The following LUZP1 variants were observed in gnomAD, a reference collection of about 807,000 sequenced individuals.
LUZP1 encodes the protein filamin mechanobinding actin cross-linking protein.
In LUZP1, 25 loss-of-function variants were observed where a neutral mutation model predicts 71.3. That is an observed-to-expected ratio of 0.35 (90% CI 0.26 to 0.49). The LOEUF (loss-of-function observed/expected upper bound fraction) is 0.49. Ranked by LOEUF, LUZP1 falls within the 20% of genes least tolerant of loss-of-function variation. The pLI, the probability that LUZP1 is intolerant of heterozygous loss-of-function variation, is 0.99. For missense variants in LUZP1, 1,142 were observed against 1,300.8 expected (o/e 0.88, Z 1.88); for synonymous variants, 481 against 506.4 (o/e 0.95, Z 0.67).
intron 2 of LUZP1, among the ~76,000 whole-genome samples, chr1:23,137,259 A>T (rs570180306): frequency 6.6e-6 from 1 of 152,390 alleles, no homozygotes; most frequent in South Asian, 2.1e-4. Flanking sequence ...GGATTTGCAC[A>T]GGCATTTCTT....
intron 2 of LUZP1, among the ~76,000 whole-genome samples, chr1:23,145,926 G>T (rs534943623): frequency 1.3e-5 from 2 of 152,220 alleles, no homozygotes; most frequent in African/African-American, 4.8e-5. Flanking sequence ...CTTATGTAAT[G>T]AAAATTATGT....
chr1:23,154,960 A>C (rs1470831804), intron 2 of LUZP1, among the ~76,000 whole-genome samples: 1 of 152,064 alleles, frequency 6.6e-6, no homozygotes, highest in Admixed American at 6.6e-5. Context: ...TCACTTTAAA[A>C]CTGCCCTAGG....
At chr1:23,165,807 A>C (rs535630743) in intron 2 of LUZP1, among the ~76,000 whole-genome samples, 2 of 152,320 alleles carry the variant, frequency 1.3e-5, no homozygotes, top group African/African-American at 4.8e-5. Flanking sequence ...ACTGTCCCTA[A>C]AAGCTGTATT....
chr1:23,110,665 C>CA (rs1557647742), intron 2 of LUZP1, among the ~76,000 whole-genome samples: 6 of 151,808 alleles, frequency 4.0e-5, no homozygotes, highest in African/African-American at 1.5e-4. Flanking sequence ...CACACACACA[C>CA]CCATCCCTGC....
At chr1:23,090,901 G>C in intron 4 of LUZP1, 1 of 718,060 alleles carries the variant, frequency 1.4e-6, no homozygotes, top group Non-Finnish European at 2.6e-6. Flanking sequence ...TAGCTGCTCT[G>C]GCAAACCAAG....
At chr1:23,100,732 G>T (rs1643925298) in intron 3 of LUZP1, among the ~76,000 whole-genome samples, 1 of 152,218 alleles carries the variant, frequency 6.6e-6, no homozygotes, top group South Asian at 2.1e-4. Context: ...TGAGCAGGCT[G>T]AACTCCAGGC....
chr1:23,095,049 A>C (rs1643885336), intron 3 of LUZP1, among the ~76,000 whole-genome samples: 1 of 152,160 alleles, frequency 6.6e-6, no homozygotes, highest in African/African-American at 2.4e-5. Context: ...TCTACAAAAC[A>C]TATCCTTTTG....
intron 2 of LUZP1, among the ~76,000 whole-genome samples, chr1:23,145,676 G>A (rs1194458735): frequency 6.6e-6 from 1 of 151,824 alleles, no homozygotes; most frequent in East Asian, 1.9e-4. Flanking sequence ...CATCGTTATT[G>A]GTCAGGCTGG....
chr1:23,092,288 G>C, exon 4 of LUZP1: 1 of 1,614,198 alleles, frequency 6.2e-7, no homozygotes. Flanking sequence ...CATCATCTGA[G>C]TCTGGCTTCT....
intron 1 of LUZP1, among the ~76,000 whole-genome samples, chr1:23,172,843 A>T (rs7540804): frequency 0.17 from 26,060 of 149,320 alleles, 2,331 homozygotes; most frequent in East Asian, 0.27. Flanking sequence ...TTTTATTTTT[A>T]TTTTTTTTGA....
exon 5 of LUZP1, chr1:23,088,834 G>T: frequency 6.3e-7 from 1 of 1,581,078 alleles, no homozygotes; most frequent in Non-Finnish European, 8.6e-7. Context: ...CCTTCGTGGG[G>T]CAGGACGGTG....
At chr1:23,152,419 G>A (rs983389586) in intron 2 of LUZP1, among the ~76,000 whole-genome samples, 22 of 152,100 alleles carry the variant, frequency 1.4e-4, no homozygotes, top group African/African-American at 5.3e-4. Context: ...AATTGAAAAA[G>A]CATATGGATA....
In LUZP1 at chr1:23,130,488, C is replaced by T. The variant is rs896236853; in HGVS notation, c.-225-21361G>A. Among the ~76,000 whole-genome samples the T allele has an allele frequency of 4.1e-5, 6 of 145,136 alleles. No individual in the cohort carries two copies. In the Admixed American group the frequency reaches 4.2e-4, roughly 10 times the overall value. ...AAAAAATAAAAGAGGGAAAGAGAGG[C>T]GGGGTTATCCTTAGGATCCACCAAG... On this transcript the variant is annotated intron_variant, in intron 2 of 4. Coordinates refer to ENST00000302291, the Ensembl canonical transcript of LUZP1.
exon 5 of LUZP1, chr1:23,088,636 A>G: frequency 2.6e-6 from 1 of 391,598 alleles, no homozygotes. Flanking sequence ...TGGTCCAACT[A>G]CTTGGTGGAC....
intron 2 of LUZP1, among the ~76,000 whole-genome samples, chr1:23,119,009 CTCCTAAA>C (rs1400371692): frequency 6.6e-6 from 1 of 152,180 alleles, no homozygotes; most frequent in African/African-American, 2.4e-5. Flanking sequence ...CTGACACCAT[CTCCTAAA>C]GAAAAAGCCA....
chr1:23,095,281 A>C (rs1184022535), intron 3 of LUZP1, among the ~76,000 whole-genome samples: 1 of 152,212 alleles, frequency 6.6e-6, no homozygotes, highest in Non-Finnish European at 1.5e-5. Context: ...AAGTCCTACG[A>C]AATTAAAAGG....
intron 2 of LUZP1, among the ~76,000 whole-genome samples, chr1:23,151,600 G>A (rs1167777689): frequency 6.6e-6 from 1 of 152,066 alleles, no homozygotes; most frequent in Non-Finnish European, 1.5e-5. Context: ...AAACCTCTAT[G>A]AGCTTCCATT....
chr1:23,153,227 A>C (rs1644397385), intron 2 of LUZP1, among the ~76,000 whole-genome samples: 1 of 152,162 alleles, frequency 6.6e-6, no homozygotes, highest in African/African-American at 2.4e-5. Flanking sequence ...AAACTCTATT[A>C]CTAGACCAGA....
intron 2 of LUZP1, among the ~76,000 whole-genome samples, chr1:23,163,695 G>A (rs894191870): frequency 6.6e-6 from 1 of 152,148 alleles, no homozygotes; most frequent in Non-Finnish European, 1.5e-5. Flanking sequence ...TGCCTAAAAA[G>A]GTTAGCAATG....
Sources: gnomAD v4.1 joint callset for allele counts (sites outside exome capture counted in the v4.1 genomes callset) on GRCh38, gnomAD v4.1.1 for gene constraint, MANE v1.5 for transcripts, NCBI Gene and HGNC (gene_info 2026-07-23, HGNC 2026-07-21) for gene names.